The following ASB4 variants were observed in gnomAD, a reference collection of about 807,000 sequenced individuals.
The protein encoded by ASB4 is ankyrin repeat and SOCS box containing 4.
ASB4 carries 35 observed loss-of-function variants against 38.6 expected under a neutral mutation model. The ratio of observed to expected loss-of-function variants is 0.91; its 90% CI spans 0.69 to 1.20. The LOEUF (loss-of-function observed/expected upper bound fraction) is 1.20, where lower values mean the gene tolerates loss of function less well. Among genes scored for constraint, ASB4 ranks in the 50% most tolerant of loss-of-function variants. The pLI, the probability that ASB4 is intolerant of heterozygous loss-of-function variation, is 0.00. For missense variants in ASB4, 557 were observed against 527.2 expected, an observed-to-expected ratio of 1.06 and a Z score of -0.55; for synonymous variants, 195 against 201.3, an observed-to-expected ratio of 0.97 and a Z score of 0.26.
intron 1 of ASB4, among the ~76,000 whole-genome samples, chr7:95,480,382 T>C (rs536607520): frequency 4.9e-4 from 75 of 152,304 alleles, no homozygotes; most frequent in Non-Finnish European, 9.6e-4. Context: ...ATGGACCCCA[T>C]TGATTCTCAC....
chr7:95,545,026 C>G (rs190126203), downstream of ASB4, among the ~76,000 whole-genome samples: 139 of 146,440 alleles, frequency 9.5e-4, no homozygotes, highest in Non-Finnish European at 2.1e-4. Context: ...TGTGCACAGG[C>G]CAAAGATCCA....
intron 4 of ASB4, 65 bp from the exon 5 acceptor site, chr7:95,537,506 C>T: frequency 7.1e-7 from 1 of 1,410,270 alleles, no homozygotes; most frequent in Non-Finnish European, 9.7e-7. Flanking sequence ...TGCAGCATTG[C>T]TGATTTTTAT....
At chr7:95,521,848 G>A (rs1194390462) in intron 2 of ASB4, among the ~76,000 whole-genome samples, 2 of 151,916 alleles carry the variant, frequency 1.3e-5, no homozygotes, top group East Asian at 1.9e-4. Context: ...AATTTACCAA[G>A]CAATGATAAG....
In ASB4 at chr7:95,528,043, G is replaced by C; in HGVS notation, c.718G>C (p.Asp240His). The change falls in exon 3 of 5, where the codon GAC (aspartate) becomes CAC (histidine). Residue 240 changes from aspartate to histidine, a missense_variant. Asp to His is a moderately conservative substitution (Grantham distance 81). Coordinates refer to ENST00000325885, the MANE Select transcript of ASB4 (RefSeq NM_016116.3). ...EHHLVCRMLLDYKAEVNARDD... is the reference protein window; with the variant it reads ...EHHLVCRMLLHYKAEVNARDD... ...CCACCTGGTCTGCCGCATGCTGCTT[G>C]ACTACAAAGCCGAAGTCAATGCCCG... The C allele has an allele frequency of 6.2e-7, 1 of 1,614,152 alleles. No individual in the cohort carries two copies. Among genetic ancestry groups the C allele is most frequent in the Non-Finnish European group, 8.5e-7 (1 of 1,180,044 alleles).
At chr7:95,491,370 C>A (rs559111734) in intron 1 of ASB4, among the ~76,000 whole-genome samples, 1 of 152,260 alleles carries the variant, frequency 6.6e-6, no homozygotes, top group South Asian at 2.1e-4. Context: ...AGGGAGGCAG[C>A]CGCTGCTTCA....
upstream of ASB4, among the ~76,000 whole-genome samples, chr7:95,484,953 CACAT>C (rs893150684): frequency 3.4e-5 from 5 of 147,654 alleles, no homozygotes; most frequent in African/African-American, 1.3e-4. Context: ...TATTTACACA[CACAT>C]ATATATATGT....
At chr7:95,482,848 G>C (rs986386370), upstream of ASB4, among the ~76,000 whole-genome samples, 2 of 152,130 alleles carry the variant, frequency 1.3e-5, no homozygotes, top group African/African-American at 4.8e-5. Context: ...CACTTCTTCC[G>C]GGGTTGAACT....
At chr7:95,492,332 C>A (rs1358948025) in intron 1 of ASB4, among the ~76,000 whole-genome samples, 1 of 152,166 alleles carries the variant, frequency 6.6e-6, no homozygotes, top group Non-Finnish European at 1.5e-5. Context: ...AAATGCATTT[C>A]CATATCAGAG....
At chr7:95,474,172 G>A (rs960466552), upstream of ASB4, among the ~76,000 whole-genome samples, 1 of 152,282 alleles carries the variant, frequency 6.6e-6, no homozygotes, top group Non-Finnish European at 1.5e-5. Context: ...CTTCAAATTA[G>A]CGAATATGCA....
the ASB4 span, among the ~76,000 whole-genome samples, chr7:95,546,962 G>T: frequency 1.3e-5 from 2 of 152,108 alleles, no homozygotes; most frequent in African/African-American, 4.8e-5. Context: ...GATACCTGGG[G>T]TGCTTTCAAA....
chr7:95,532,876 G>A (rs1365971924), intron 3 of ASB4, among the ~76,000 whole-genome samples: 2 of 152,182 alleles, frequency 1.3e-5, no homozygotes, highest in Admixed American at 1.3e-4. Context: ...TCATCAAGGT[G>A]AGCTTACTGA....
chr7:95,541,406 G>T (rs1288835064), downstream of ASB4, among the ~76,000 whole-genome samples: 1 of 152,132 alleles, frequency 6.6e-6, no homozygotes, highest in Non-Finnish European at 1.5e-5. Context: ...CCCACCAGTG[G>T]AGTAGTATAT....
At chr7:95,516,455 T>G (rs553443457) in intron 2 of ASB4, among the ~76,000 whole-genome samples, 36 of 152,280 alleles carry the variant, frequency 2.4e-4, no homozygotes, top group African/African-American at 8.7e-4. Context: ...TCTTTAAGGT[T>G]GAGTAAGTTA....
At chr7:95,507,402 C>G (rs1195077722) in intron 2 of ASB4, among the ~76,000 whole-genome samples, 3 of 151,992 alleles carry the variant, frequency 2.0e-5, no homozygotes, top group Non-Finnish European at 4.4e-5. Flanking sequence ...CAAACTTCTA[C>G]TCCTGTGCGA....
chr7:95,542,289 C>T (rs1790980901), downstream of ASB4: 1 of 152,124 alleles, frequency 6.6e-6, no homozygotes, highest in Non-Finnish European at 1.5e-5. Flanking sequence ...CTAACTGAGC[C>T]ATTTGGTTCA....
intron 1 of ASB4, among the ~76,000 whole-genome samples, chr7:95,479,160 T>C (rs540521279): frequency 1.3e-3 from 193 of 152,316 alleles, no homozygotes; most frequent in African/African-American, 4.6e-3. Flanking sequence ...AAGAAGTCAC[T>C]GAGAGGTATT....
chr7:95,508,133 C>T (rs1790435123), intron 2 of ASB4, among the ~76,000 whole-genome samples: 1 of 151,946 alleles, frequency 6.6e-6, no homozygotes. Context: ...ACCAGTAGGG[C>T]AGACATTGAA....
At chr7:95,484,209 A>C (rs1170049104), upstream of ASB4, among the ~76,000 whole-genome samples, 1 of 152,046 alleles carries the variant, frequency 6.6e-6, no homozygotes, top group Non-Finnish European at 1.5e-5. Context: ...TTGCATGCCT[A>C]TAGTCCTAAC....
intron 2 of ASB4, among the ~76,000 whole-genome samples, chr7:95,513,550 T>C (rs1262237026): frequency 6.6e-6 from 1 of 152,150 alleles, no homozygotes; most frequent in East Asian, 1.9e-4. Context: ...GAGAACAATC[T>C]GTTTTTAACT....
Sources: gnomAD v4.1 joint callset for allele counts (sites outside exome capture counted in the v4.1 genomes callset) on GRCh38, gnomAD v4.1.1 for gene constraint, MANE v1.5 for transcripts, NCBI Gene and HGNC (gene_info 2026-07-23, HGNC 2026-07-21) for gene names.